The following B4GALT5 variants were observed in gnomAD, a reference collection of about 807,000 sequenced individuals.
B4GALT5 encodes the protein beta-1,4-galactosyltransferase 5.
Under a neutral mutation model 45.0 loss-of-function variants are expected in B4GALT5, and 11 were observed. That is an observed-to-expected ratio of 0.24 (90% confidence interval 0.15 to 0.40). The LOEUF is 0.40. B4GALT5 is among the 10% of genes least tolerant of loss of function. B4GALT5 has a pLI of 1.00. For synonymous variants in B4GALT5, 185 were observed against 182.9 expected (o/e 1.01, Z -0.09); for missense variants, 337 against 500.2 (o/e 0.67, Z 3.11).
chr20:49,665,041 C>G (rs943315683), intron 1 of B4GALT5, among the ~76,000 whole-genome samples: 1 of 152,148 alleles, frequency 6.6e-6, no homozygotes, highest in South Asian at 2.1e-4. Flanking sequence ...TACTGTTCTG[C>G]TGGACTTCAA....
intron 1 of B4GALT5, among the ~76,000 whole-genome samples, chr20:49,659,815 C>CT (rs113286413): frequency 0.042 from 6,032 of 145,076 alleles, 404 homozygotes; most frequent in African/African-American, 0.14. Context: ...TTCTTTTTTT[C>CT]TTTTTTTTTT....
At position 49,663,690 on chromosome 20, in the gene B4GALT5, A is replaced by AATATAT. The variant is rs1219181634; in HGVS notation, c.116-6994_116-6989dup. On this transcript the variant is annotated intron_variant, in intron 1 of 8. Transcript: ENST00000371711. ...TTCATCTCAAGAAAAAAAAAAAAAA[A>AATATAT]ATATATACATATATATATATATATA... Among the ~76,000 whole-genome samples, 13 of 96,940 alleles carry AATATAT rather than the reference A, an allele frequency of 1.3e-4. 1 individual carries two copies. The highest frequency in any genetic ancestry group is 5.8e-4 in the African/African-American group (13 of 22,430). 63.6% of individuals were successfully genotyped at this position (96,940 alleles called of 152,430 possible).
At chr20:49,660,174 C>T (rs1188828382) in intron 1 of B4GALT5, among the ~76,000 whole-genome samples, 2 of 152,214 alleles carry the variant, frequency 1.3e-5, no homozygotes, top group Non-Finnish European at 2.9e-5. Context: ...TGCATACTGG[C>T]CCAGTTGTCT....
intron 1 of B4GALT5, among the ~76,000 whole-genome samples, chr20:49,706,929 G>A (rs2085886674): frequency 6.6e-6 from 1 of 152,090 alleles, no homozygotes; most frequent in Non-Finnish European, 1.5e-5. Flanking sequence ...TTGTATTCTG[G>A]CCTTCTGCTG....
rs6125706 is a variant in B4GALT5 at position 49,665,421 on chromosome 20, G to C, written c.116-8719C>G. On this transcript the variant is annotated intron_variant, in intron 1 of 8. Coordinates refer to ENST00000371711, the MANE Select transcript of B4GALT5 (RefSeq NM_004776.4). The stretch of plus-strand genomic sequence containing the variant: ...CAGCAAGACCCTGTCTCTCAAAAAG[G>C]GGGGGTGGGGGGGTAGTAGTAATAA... Among the ~76,000 whole-genome samples, 69 of 77,066 alleles carry C rather than the reference G, an allele frequency of 9.0e-4. No individual in the cohort carries two copies. The South Asian group carries it at 0.016, about 18-fold the overall frequency. 50.6% of individuals were successfully genotyped at this position (77,066 alleles called of 152,430 possible).
chr20:49,672,251 A>T (rs996174648), intron 1 of B4GALT5, among the ~76,000 whole-genome samples: 6 of 152,194 alleles, frequency 3.9e-5, no homozygotes, highest in African/African-American at 1.4e-4. Context: ...ACTCGTTGGG[A>T]ATTTAAGTGC....
rs772334499 is a variant in B4GALT5 at position 49,636,315 on chromosome 20, G to A, written c.1164C>T (p.Tyr388=). Reference sequence around the variant, plus strand: ...AGCAAACGTACATTCTCTCCTCTCAGTACTCGTTCACCTGAGCCAGCTCGG... The same window carrying A: ...AGCAAACGTACATTCTCTCCTCTCAATACTCGTTCACCTGAGCCAGCTCGG... ...LTPELAQVNE[Y] is the part of the protein sequence containing the mutation. The change falls in exon 9 of 9, where the codon TAC becomes TAT. Residue 388 remains tyrosine, a synonymous_variant. Transcript: ENST00000371711. 1 of 1,613,902 alleles carries A rather than the reference G, an allele frequency of 6.2e-7. No individual in the cohort carries two copies.
intron 1 of B4GALT5, among the ~76,000 whole-genome samples, chr20:49,677,651 AC>A (rs1237072055): frequency 6.6e-6 from 1 of 152,246 alleles, no homozygotes; most frequent in Non-Finnish European, 1.5e-5. Context: ...AACAAAAATT[AC>A]ATATAATCAG....
intron 1 of B4GALT5, among the ~76,000 whole-genome samples, chr20:49,670,403 TTTACCAATG>T (rs2085710667): frequency 6.6e-6 from 1 of 152,154 alleles, no homozygotes; most frequent in Admixed American, 6.5e-5. Context: ...TTCCTTCTGT[TTTACCAATG>T]TTCTTTACAA....
rs558136951 is a variant in B4GALT5 at position 49,672,834 on chromosome 20, C to A, written c.116-16132G>T. Among the ~76,000 whole-genome samples the A allele has an allele frequency of 1.2e-3, 184 of 151,978 alleles. 1 individual carries two copies. Among genetic ancestry groups the A allele is most frequent in the Middle Eastern group, 0.01 (3 of 294 alleles). Reference sequence around the variant, plus strand: ...AAAAGAAAACAAACCAGAAAAAAAACAAACAAAAAACAAATCTTGTAAGGC... The same window carrying A: ...AAAAGAAAACAAACCAGAAAAAAAAAAAACAAAAAACAAATCTTGTAAGGC... On this transcript the variant is annotated intron_variant, in intron 1 of 8. Coordinates refer to ENST00000371711, the MANE Select transcript of B4GALT5 (RefSeq NM_004776.4).
chr20:49,708,330 T>C (rs1038454504), intron 1 of B4GALT5, among the ~76,000 whole-genome samples: 2 of 152,228 alleles, frequency 1.3e-5, no homozygotes, highest in African/African-American at 4.8e-5. Context: ...ATTCTATATA[T>C]GAAAGCATCT....
intron 1 of B4GALT5, among the ~76,000 whole-genome samples, chr20:49,684,264 A>T (rs1461893849): frequency 6.6e-6 from 1 of 151,730 alleles, no homozygotes; most frequent in East Asian, 1.9e-4. Context: ...AATTTACTTT[A>T]ATTTAAAAAA....
rs1555810424 is a variant in B4GALT5 at position 49,633,437 on chromosome 20, C to CTT, written c.*2874_*2875insAA. On this transcript the variant is annotated 3_prime_UTR_variant, in exon 9 of 9. Coordinates refer to ENST00000371711, the MANE Select transcript of B4GALT5 (RefSeq NM_004776.4). ...ATATGCACAAGGTCACATTTGGTTC[C>CTT]TGTTTTTTTTTTTAACATGACAATT... The CTT allele has an allele frequency of 3.3e-5, 4 of 121,928 alleles. No individual in the cohort carries two copies. Among genetic ancestry groups the CTT allele is most frequent in the African/African-American group, 1.6e-4 (4 of 25,662 alleles). The allele number at this position is 121,928 out of a possible 1,614,324, so 7.6% of individuals were successfully genotyped here.
At chr20:49,681,520 C>T (rs1161085665) in intron 1 of B4GALT5, among the ~76,000 whole-genome samples, 1 of 152,112 alleles carries the variant, frequency 6.6e-6, no homozygotes, top group Non-Finnish European at 1.5e-5. Context: ...CTGGACACTC[C>T]CAAATCCTTA....
chr20:49,682,404 C>T (rs933202953), intron 1 of B4GALT5, among the ~76,000 whole-genome samples: 3 of 152,140 alleles, frequency 2.0e-5, no homozygotes, highest in African/African-American at 7.2e-5. Context: ...TTTCCCTTAT[C>T]CCTCTGACCT....
In B4GALT5 at chr20:49,713,877, A is replaced by G. The variant is rs1349066748; in HGVS notation, c.-187T>C. 6.8e-6 allele frequency: 1 copy of G among 147,668 alleles called. No individual in the cohort carries two copies. The highest frequency in any genetic ancestry group is 1.5e-5 in the Non-Finnish European group (1 of 66,198). 9.1% of individuals were successfully genotyped at this position (147,668 alleles called of 1,614,324 possible). ...CGCCGGCCGTCGCGGGCCGGGCCAC[A>G]TGAAGCGGGCGGGGGCCAGAGCGGC... is the stretch of plus-strand genomic sequence containing the variant. On this transcript the variant is annotated 5_prime_UTR_variant, in exon 1 of 9. It removes an upstream start codon present in the reference 5' UTR. Coordinates refer to ENST00000371711, the MANE Select transcript of B4GALT5 (RefSeq NM_004776.4).
At chr20:49,679,014 G>A (rs1256477493) in intron 1 of B4GALT5, among the ~76,000 whole-genome samples, 1 of 152,156 alleles carries the variant, frequency 6.6e-6, no homozygotes. Flanking sequence ...CTGGGGGTGG[G>A]GAGGGTAACA....
At chr20:49,639,622 T>C (rs2122993614) in intron 7 of B4GALT5, 56 bp downstream of exon 7, 2 of 1,600,824 alleles carry the variant, frequency 1.2e-6, no homozygotes, top group East Asian at 2.3e-5. Context: ...CGGATAGTAT[T>C]GGTCTGCAGT....
At chr20:49,707,885 A>G (rs1378360493) in intron 1 of B4GALT5, among the ~76,000 whole-genome samples, 1 of 149,928 alleles carries the variant, frequency 6.7e-6, no homozygotes. Context: ...GAGTGCCGGG[A>G]TTAAAGGCAT....
Sources: gnomAD v4.1 joint callset for allele counts (sites outside exome capture counted in the v4.1 genomes callset) on GRCh38, gnomAD v4.1.1 for gene constraint, MANE v1.5 for transcripts, NCBI Gene and HGNC (gene_info 2026-07-23, HGNC 2026-07-21) for gene names.